Variants in STX8 observed in about 807,000 individuals in gnomAD.
The protein encoded by STX8 is syntaxin-8.
STX8 carries 23 observed loss-of-function variants against 37.5 expected under a neutral mutation model. The ratio of observed to expected loss-of-function variants is 0.61; its 90% CI spans 0.44 to 0.87. The LOEUF is 0.87. Among genes scored for constraint, STX8 ranks in the 40% least tolerant of loss-of-function variants. The pLI, the probability that STX8 is intolerant of heterozygous loss-of-function variation, is 0.00. For missense variants in STX8, 313 were observed against 284.7 expected (o/e 1.10, Z -0.71); for synonymous variants, 115 against 99.1 (o/e 1.16, Z -0.95).
At chr17:9,286,322 T>C (rs566034010) in intron 7 of STX8, among the ~76,000 whole-genome samples, 1 of 152,358 alleles carries the variant, frequency 6.6e-6, no homozygotes, top group African/African-American at 2.4e-5. Flanking sequence ...CTTTGACTTC[T>C]AAATATCAGG....
intron 6 of STX8, among the ~76,000 whole-genome samples, chr17:9,405,034 C>T (rs962784334): frequency 2.0e-5 from 3 of 151,990 alleles, no homozygotes; most frequent in African/African-American, 7.2e-5. Context: ...TTGTTTGGCT[C>T]TGTTGTAAAT....
chr17:9,427,699 G>A (rs149741161), intron 6 of STX8, among the ~76,000 whole-genome samples: 1 of 152,302 alleles, frequency 6.6e-6, no homozygotes, highest in Non-Finnish European at 1.5e-5. Context: ...ACAGAGTGGA[G>A]TTCTGAGCCA....
At chr17:9,381,879 G>A (rs1025855394) in intron 6 of STX8, among the ~76,000 whole-genome samples, 2 of 152,160 alleles carry the variant, frequency 1.3e-5, no homozygotes, top group African/African-American at 4.8e-5. Flanking sequence ...TGAGGCAGGA[G>A]AATTGCTTGA....
chr17:9,480,787 C>T (rs899576106), intron 6 of STX8, among the ~76,000 whole-genome samples: 1 of 152,180 alleles, frequency 6.6e-6, no homozygotes, highest in African/African-American at 2.4e-5. Flanking sequence ...CTAACACAGC[C>T]ACGTAGAGAA....
intron 3 of STX8, 189 bp downstream of exon 3, chr17:9,557,245 G>A (rs1907016220): frequency 1.9e-6 from 1 of 538,368 alleles, no homozygotes; most frequent in Non-Finnish European, 3.3e-6. Flanking sequence ...GTCTTGCTTT[G>A]CCAGCATATT....
intron 7 of STX8, among the ~76,000 whole-genome samples, chr17:9,254,539 G>A (rs960181748): frequency 2.0e-5 from 3 of 152,044 alleles, no homozygotes; most frequent in Non-Finnish European, 4.4e-5. Flanking sequence ...GGGATTACAG[G>A]TGCCCACCAC....
At chr17:9,376,305 A>C (rs777504079) in intron 7 of STX8, among the ~76,000 whole-genome samples, 4 of 152,170 alleles carry the variant, frequency 2.6e-5, no homozygotes, top group Non-Finnish European at 5.9e-5. Flanking sequence ...AAACACACCA[A>C]CCAGCATGCT....
At chr17:9,532,168 A>G (rs1008911657) in intron 4 of STX8, among the ~76,000 whole-genome samples, 13 of 152,072 alleles carry the variant, frequency 8.5e-5, no homozygotes, top group Non-Finnish European at 1.8e-4. Flanking sequence ...TGAGGGAAAA[A>G]AAAAAAAATC....
At chr17:9,495,769 T>C (rs1904370147) in intron 5 of STX8, among the ~76,000 whole-genome samples, 1 of 152,218 alleles carries the variant, frequency 6.6e-6, no homozygotes, top group Non-Finnish European at 1.5e-5. Context: ...GTAGAGGTAA[T>C]AATAATCACA....
intron 6 of STX8, among the ~76,000 whole-genome samples, chr17:9,476,112 G>A (rs1286719742): frequency 6.6e-6 from 1 of 152,216 alleles, no homozygotes; most frequent in Non-Finnish European, 1.5e-5. Context: ...CCGGGGGGCG[G>A]AGGTTGCAGT....
At chr17:9,288,038 A>G (rs188550854) in intron 7 of STX8, among the ~76,000 whole-genome samples, 1,710 of 127,060 alleles carry the variant, frequency 0.013, 20 homozygotes, top group African/African-American at 0.037. Flanking sequence ...GTGAGCCACC[A>G]TGCCTGGCCT....
At chr17:9,458,400 T>C (rs180902945) in intron 6 of STX8, among the ~76,000 whole-genome samples, 20 of 151,482 alleles carry the variant, frequency 1.3e-4, no homozygotes, top group Admixed American at 2.6e-4. Flanking sequence ...CCGCCCGCCT[T>C]GGCCTCCCAA....
intron 4 of STX8, among the ~76,000 whole-genome samples, chr17:9,535,747 T>A (rs955146757): frequency 6.6e-6 from 1 of 152,142 alleles, no homozygotes; most frequent in Middle Eastern, 3.4e-3. Context: ...CCATCCTACT[T>A]CTAAGAACTC....
chr17:9,431,682 TACTA>T (rs934640668), intron 6 of STX8, among the ~76,000 whole-genome samples: 8 of 152,196 alleles, frequency 5.3e-5, no homozygotes, highest in Admixed American at 5.2e-4. Context: ...TTCCCAATTT[TACTA>T]ACTGAGAAAA....
intron 6 of STX8, among the ~76,000 whole-genome samples, chr17:9,433,687 G>C (rs965739068): frequency 2.6e-5 from 4 of 151,910 alleles, no homozygotes; most frequent in Non-Finnish European, 5.9e-5. Context: ...GTACTTCAGG[G>C]GGTCACAGAT....
chr17:9,541,257 C>G (rs1906263502), intron 4 of STX8, among the ~76,000 whole-genome samples: 1 of 149,960 alleles, frequency 6.7e-6, no homozygotes, highest in Admixed American at 6.6e-5. Flanking sequence ...AGGCAGCAAG[C>G]TGGGCACGGA....
rs948389658 is a variant in STX8, at chr17:9,573,342, C to A, written c.17+2450G>T. 3.9e-5 allele frequency among the ~76,000 whole-genome samples: 6 copies of A among 152,246 alleles called. 1 individual carries two copies. The highest frequency in any genetic ancestry group is 1.3e-4 in the Admixed American group (2 of 15,286). On this transcript the variant is annotated intron_variant, in intron 1 of 7. Transcript: ENST00000306357. ...AGAGGCTTCATTTGCATAATAAAAT[C>A]TTGGTCTCCACTACCCCTTATCATA...
chr17:9,462,194 G>A (rs1003048005), intron 6 of STX8, among the ~76,000 whole-genome samples: 3 of 152,118 alleles, frequency 2.0e-5, no homozygotes, highest in African/African-American at 4.8e-5. Context: ...TCTATCGGAG[G>A]AGAAGCACAA....
intron 6 of STX8, among the ~76,000 whole-genome samples, chr17:9,444,235 C>T (rs1363933869): frequency 1.3e-5 from 2 of 152,176 alleles, no homozygotes; most frequent in African/African-American, 4.8e-5. Flanking sequence ...GCGGTCCTCC[C>T]ACTTTGGCCT....
Sources: allele counts gnomAD v4.1 joint callset (sites outside exome capture counted in the v4.1 genomes callset), GRCh38; gene constraint gnomAD v4.1.1; transcripts MANE v1.5; gene names NCBI Gene and HGNC (gene_info 2026-07-23, HGNC 2026-07-21).